Variants in AUTS2 observed in about 807,000 individuals in gnomAD.
AUTS2 encodes activator of transcription and developmental regulator AUTS2.
A neutral mutation model predicts 112.4 loss-of-function variants in AUTS2; 17 were observed. The observed-to-expected ratio is 0.15, with a 90% CI of 0.10 to 0.23. The LOEUF (loss-of-function observed/expected upper bound fraction) is 0.23, where lower values mean the gene tolerates loss of function less well. Ranked by LOEUF, AUTS2 falls within the 10% of genes least tolerant of loss-of-function variation. The pLI, the probability that AUTS2 is intolerant of heterozygous loss-of-function variation, is 1.00. For synonymous variants in AUTS2, 751 were observed against 702.7 expected (o/e 1.07, Z -1.09); for missense variants, 1,510 against 1,701.6 (o/e 0.89, Z 1.98).
intron 6 of AUTS2, among the ~76,000 whole-genome samples, chr7:70,710,682 G>T (rs1810002480): frequency 6.6e-6 from 1 of 152,194 alleles, no homozygotes; most frequent in African/African-American, 2.4e-5. Context: ...GAACTAATTT[G>T]ATTGTTACCA....
At chr7:70,161,793 A>G (rs944605259) in intron 4 of AUTS2, among the ~76,000 whole-genome samples, 5 of 151,998 alleles carry the variant, frequency 3.3e-5, no homozygotes, top group African/African-American at 1.2e-4. Flanking sequence ...CCAGTGGGTA[A>G]CACTCCATAA....
intron 4 of AUTS2, among the ~76,000 whole-genome samples, chr7:70,195,744 G>A (rs1373513284): frequency 6.6e-6 from 1 of 152,144 alleles, no homozygotes; most frequent in Non-Finnish European, 1.5e-5. Flanking sequence ...ATATTCCAAA[G>A]ACTTAAGAGT....
chr7:69,862,082 G>C (rs769046610), intron 1 of AUTS2, among the ~76,000 whole-genome samples: 13 of 152,200 alleles, frequency 8.5e-5, no homozygotes, highest in Non-Finnish European at 1.8e-4. Flanking sequence ...CTTTGGAAAG[G>C]ACACTCTAGT....
At chr7:70,771,703 G>T in intron 11 of AUTS2, 59 bp downstream of exon 11, 1 of 1,500,390 alleles carries the variant, frequency 6.7e-7, no homozygotes, top group Non-Finnish European at 9.3e-7. Flanking sequence ...CCCGGGCCAG[G>T]CGTGCAGGAA....
intron 18 of AUTS2, 61 bp from the exon 19 acceptor site, chr7:70,789,687 G>C: frequency 6.4e-7 from 1 of 1,554,112 alleles, no homozygotes; most frequent in Non-Finnish European, 8.7e-7. Flanking sequence ...CGCAGCCCCT[G>C]GCCCGGCCGA....
At chr7:70,126,194 A>C (rs576499869) in intron 3 of AUTS2, among the ~76,000 whole-genome samples, 1 of 152,310 alleles carries the variant, frequency 6.6e-6, no homozygotes, top group African/African-American at 2.4e-5. Flanking sequence ...CGAGGCAGGC[A>C]GATCACTTGA....
intron 4 of AUTS2, among the ~76,000 whole-genome samples, chr7:70,231,567 C>T (rs920292352): frequency 1.3e-5 from 2 of 151,900 alleles, no homozygotes; most frequent in South Asian, 4.2e-4. Context: ...CTCAGCCTCC[C>T]GAGTAGCTGG....
intron 5 of AUTS2, among the ~76,000 whole-genome samples, chr7:70,652,010 C>T (rs1055402003): frequency 3.3e-5 from 5 of 152,178 alleles, no homozygotes; most frequent in African/African-American, 1.2e-4. Flanking sequence ...GGATTATGAT[C>T]ACATCATACA....
intron 1 of AUTS2, among the ~76,000 whole-genome samples, chr7:69,743,614 C>G (rs1458586824): frequency 6.6e-6 from 1 of 152,070 alleles, no homozygotes; most frequent in African/African-American, 2.4e-5. Flanking sequence ...TAAAAATTCC[C>G]TTATCTCTTT....
At chr7:70,361,067 C>T (rs986932631) in intron 4 of AUTS2, among the ~76,000 whole-genome samples, 3 of 152,100 alleles carry the variant, frequency 2.0e-5, no homozygotes, top group African/African-American at 7.2e-5. Flanking sequence ...GATTCTTGGC[C>T]AGGCGCGGTG....
At chr7:70,508,151 G>A (rs1799043355) in intron 5 of AUTS2, among the ~76,000 whole-genome samples, 2 of 149,106 alleles carry the variant, frequency 1.3e-5, no homozygotes, top group South Asian at 4.2e-4. Flanking sequence ...GGAGCAGAGG[G>A]CTTTTTTTTG....
chr7:70,777,302 C>T lies in AUTS2; in HGVS notation c.2004+128C>T, dbSNP rs1462687782. ...AGACCCATAGTTAGGAAGGATCAAG[C>T]CTCTCTTGGAAAAGCTACTCAGAAG... On this transcript the variant is annotated intron_variant, in intron 14 of 18. Transcript: ENST00000342771. 5.9e-6 allele frequency: 5 copies of T among 849,682 alleles called. No homozygotes were observed. The Admixed American group carries it at 1.2e-4, about 20-fold the overall frequency. The allele number at this position is 849,682 out of a possible 1,614,324, so 52.6% of individuals were successfully genotyped here.
chr7:69,599,375 A>G lies in AUTS2; in HGVS notation c.-279A>G. On this transcript the variant is annotated 5_prime_UTR_variant, in exon 1 of 19. Transcript: ENST00000342771. The surrounding 1 kb of genome is among the most constrained non-coding windows in gnomAD (Gnocchi z 7.0). The stretch of plus-strand genomic sequence containing the variant: ...ACTTTGCTCGGCGCTGCTCCCAGGC[A>G]TCTCCGACCCTCGGTGCTGTGGGGA... 1 of 342,160 alleles carries G rather than the reference A, an allele frequency of 2.9e-6. No homozygotes were observed. The highest frequency in any genetic ancestry group is 1.5e-4 in the South Asian group (1 of 6,592). The allele number at this position is 342,160 out of a possible 1,614,324, so 21.2% of individuals were successfully genotyped here.
chr7:70,358,343 C>T (rs931773409), intron 4 of AUTS2, among the ~76,000 whole-genome samples: 1 of 152,234 alleles, frequency 6.6e-6, no homozygotes, highest in African/African-American at 2.4e-5. Flanking sequence ...CCACGCCTAA[C>T]ATTTGCAAGG....
chr7:69,824,241 A>G (rs1562908187), intron 1 of AUTS2, among the ~76,000 whole-genome samples: 2 of 151,920 alleles, frequency 1.3e-5, no homozygotes, highest in Admixed American at 6.6e-5. Flanking sequence ...GTGAAACCCC[A>G]TCTCTACTAA....
At chr7:70,618,358 A>G (rs1804489806) in intron 5 of AUTS2, among the ~76,000 whole-genome samples, 1 of 152,136 alleles carries the variant, frequency 6.6e-6, no homozygotes, top group African/African-American at 2.4e-5. Context: ...ACCCTGTGGG[A>G]AAGCCAAGGC....
At chr7:69,781,167 G>A (rs945294019) in intron 1 of AUTS2, among the ~76,000 whole-genome samples, 2 of 152,198 alleles carry the variant, frequency 1.3e-5, no homozygotes, top group Admixed American at 1.3e-4. Context: ...CAATGAAAAT[G>A]CACTTCTCTG....
At chr7:69,921,710 C>T (rs1189390890) in intron 2 of AUTS2, among the ~76,000 whole-genome samples, 2 of 144,066 alleles carry the variant, frequency 1.4e-5, no homozygotes, top group Non-Finnish European at 3.0e-5. Flanking sequence ...GGCAGTGAGC[C>T]GAGATCACAC....
intron 1 of AUTS2, among the ~76,000 whole-genome samples, chr7:69,795,200 G>A (rs1789786044): frequency 6.6e-6 from 1 of 152,180 alleles, no homozygotes; most frequent in African/African-American, 2.4e-5. Context: ...CAAGGAAAAT[G>A]TATCAACAGA....
Sources: gnomAD v4.1 joint callset for allele counts (sites outside exome capture counted in the v4.1 genomes callset) on GRCh38, gnomAD v4.1.1 for gene constraint, Gnocchi (gnomAD v3.1) non-coding constraint, MANE v1.5 for transcripts, NCBI Gene and HGNC (gene_info 2026-07-23, HGNC 2026-07-21) for gene names.